The following BNC2 variants were observed in gnomAD, a reference collection of about 807,000 sequenced individuals.
BNC2 encodes basonuclin zinc finger protein 2.
Under a neutral mutation model 76.3 loss-of-function variants are expected in BNC2, and 20 were observed. That is an observed-to-expected ratio of 0.26 (90% CI 0.18 to 0.38). The LOEUF (loss-of-function observed/expected upper bound fraction) is 0.38. Ranked by LOEUF, BNC2 falls within the 10% of genes least tolerant of loss-of-function variation. The pLI is 1.00. For missense variants in BNC2, 1,382 were observed against 1,399.8 expected, an observed-to-expected ratio of 0.99 and a Z score of 0.20; for synonymous variants, 582 against 514.8, an observed-to-expected ratio of 1.13 and a Z score of -1.77.
At chr9:16,741,283 G>C (rs185959018) in intron 1 of BNC2, among the ~76,000 whole-genome samples, 1 of 151,936 alleles carries the variant, frequency 6.6e-6, no homozygotes, top group East Asian at 1.9e-4. Flanking sequence ...GAGAAACCCC[G>C]TTTCTACTAA....
intron 3 of BNC2, among the ~76,000 whole-genome samples, chr9:16,658,575 G>A (rs1238161362): frequency 6.6e-6 from 1 of 152,062 alleles, no homozygotes. Context: ...ACAATTAGAG[G>A]GAACAGTTCC....
At chr9:16,585,718 T>C (rs1819749541) in intron 3 of BNC2, among the ~76,000 whole-genome samples, 1 of 152,146 alleles carries the variant, frequency 6.6e-6, no homozygotes, top group Non-Finnish European at 1.5e-5. Context: ...ACATAAGTTA[T>C]CATAAAACTA....
intron 1 of BNC2, among the ~76,000 whole-genome samples, chr9:16,836,184 C>G (rs138817099): frequency 6.6e-6 from 1 of 152,170 alleles, no homozygotes; most frequent in Admixed American, 6.5e-5. Flanking sequence ...GGAAGACCAA[C>G]GGCATGGCTT....
intron 1 of BNC2, among the ~76,000 whole-genome samples, chr9:16,852,744 G>A (rs1819156752): frequency 6.6e-6 from 1 of 152,190 alleles, no homozygotes. Flanking sequence ...CTCTTTAAAG[G>A]ACTGACATTC....
intron 5 of BNC2, among the ~76,000 whole-genome samples, chr9:16,453,843 C>T (rs559410144): frequency 6.1e-4 from 93 of 152,292 alleles, no homozygotes; most frequent in African/African-American, 2.2e-3. Flanking sequence ...TCAACGGTCC[C>T]ATTTGCTAAA....
At chr9:16,861,858 G>A (rs541631243) in intron 1 of BNC2, among the ~76,000 whole-genome samples, 77 of 152,024 alleles carry the variant, frequency 5.1e-4, no homozygotes, top group Non-Finnish European at 8.2e-4. Context: ...TCATGGTGGC[G>A]GGCGCCTGTA....
intron 1 of BNC2, among the ~76,000 whole-genome samples, chr9:16,861,154 C>A (rs1819397521): frequency 7.2e-6 from 1 of 139,812 alleles, no homozygotes; most frequent in Admixed American, 7.4e-5. Flanking sequence ...CCAGGCTGGG[C>A]AACATGGTAA....
intron 1 of BNC2, among the ~76,000 whole-genome samples, chr9:16,827,796 G>A (rs1299638605): frequency 6.6e-6 from 1 of 152,012 alleles, no homozygotes; most frequent in Non-Finnish European, 1.5e-5. Context: ...TACAGTACAG[G>A]AATACAAAAA....
intron 5 of BNC2, among the ~76,000 whole-genome samples, chr9:16,539,761 A>G (rs1289853200): frequency 2.1e-5 from 2 of 96,136 alleles, no homozygotes; most frequent in African/African-American, 1.1e-4. Context: ...AAGGAAAGGA[A>G]AGGAAAAGAA....
chr9:16,785,558 CT>C (rs34271496), intron 1 of BNC2, among the ~76,000 whole-genome samples: 17,413 of 122,346 alleles, frequency 0.14, 1,497 homozygotes, highest in East Asian at 0.33. Flanking sequence ...CTACACCCGG[CT>C]TTTTTTTTTT....
intron 1 of BNC2, among the ~76,000 whole-genome samples, chr9:16,792,990 G>T (rs528530583): frequency 6.6e-6 from 1 of 152,308 alleles, no homozygotes; most frequent in Non-Finnish European, 1.5e-5. Flanking sequence ...CTCATTAGGG[G>T]TATTAAGTGA....
At chr9:16,535,975 G>A (rs962556581) in intron 5 of BNC2, among the ~76,000 whole-genome samples, 7 of 151,992 alleles carry the variant, frequency 4.6e-5, no homozygotes, top group African/African-American at 1.7e-4. Flanking sequence ...CCAACCAACA[G>A]CCAGTAACAA....
At chr9:16,840,241 A>G (rs1818794765) in intron 1 of BNC2, among the ~76,000 whole-genome samples, 1 of 152,106 alleles carries the variant, frequency 6.6e-6, no homozygotes, top group Non-Finnish European at 1.5e-5. Context: ...AAACCTTACT[A>G]TTCCTTAATT....
chr9:16,857,569 T>C (rs1819292371), intron 1 of BNC2, among the ~76,000 whole-genome samples: 1 of 151,346 alleles, frequency 6.6e-6, no homozygotes, highest in African/African-American at 2.4e-5. Flanking sequence ...AAAAAAAAAT[T>C]ATCCTTAAAA....
chr9:16,832,650 T>C (rs1341139854), intron 1 of BNC2, among the ~76,000 whole-genome samples: 2 of 152,152 alleles, frequency 1.3e-5, no homozygotes, highest in Admixed American at 6.5e-5. Context: ...TTTTTCCATA[T>C]AGCATTTAGA....
chr9:16,816,467 G>C (rs1347230726), intron 1 of BNC2, among the ~76,000 whole-genome samples: 2 of 152,126 alleles, frequency 1.3e-5, no homozygotes, highest in Non-Finnish European at 2.9e-5. Context: ...TCCCTTGACT[G>C]AACTGAGTTT....
At chr9:16,778,196 A>C (rs956480929) in intron 1 of BNC2, among the ~76,000 whole-genome samples, 8 of 152,228 alleles carry the variant, frequency 5.3e-5, no homozygotes, top group Admixed American at 5.2e-4. Flanking sequence ...ACACACAAAT[A>C]CTACAATTAC....
intron 3 of BNC2, among the ~76,000 whole-genome samples, chr9:16,709,882 G>C (rs1225168132): frequency 6.6e-6 from 1 of 152,124 alleles, no homozygotes; most frequent in East Asian, 1.9e-4. Context: ...TTAAGATTAT[G>C]TCTTCAAAGA....
At chr9:16,664,713 C>T in intron 3 of BNC2, among the ~76,000 whole-genome samples, 1 of 143,442 alleles carries the variant, frequency 7.0e-6, no homozygotes, top group East Asian at 2.1e-4. Context: ...ACAAAAAAAA[C>T]AAAAAAAAAC....
Sources: gnomAD v4.1 joint callset for allele counts (sites outside exome capture counted in the v4.1 genomes callset) on GRCh38, gnomAD v4.1.1 for gene constraint, MANE v1.5 for transcripts, NCBI Gene and HGNC (gene_info 2026-07-23, HGNC 2026-07-21) for gene names.